PACRG: variants seen among roughly 807,000 people sequenced by gnomAD.
The protein encoded by PACRG is parkin coregulated gene protein.
In PACRG, 29 loss-of-function variants were observed where a neutral mutation model predicts 29.7. The ratio of observed to expected loss-of-function variants is 0.98; its 90% CI spans 0.73 to 1.33. The LOEUF is 1.33. PACRG is among the 40% of genes most tolerant of loss of function. The pLI is 0.00. For synonymous variants in PACRG, 116 were observed against 118.7 expected (o/e 0.98, Z 0.15); for missense variants, 279 against 316.2 (o/e 0.88, Z 0.89).
chr6:163,115,874 C>G (rs1445703197), intron 4 of PACRG, among the ~76,000 whole-genome samples: 3 of 152,294 alleles, frequency 2.0e-5, no homozygotes, highest in African/African-American at 7.2e-5. Context: ...TACGTCATGG[C>G]CCTCCAGTGC....
intron 2 of PACRG, among the ~76,000 whole-genome samples, chr6:162,998,897 T>C (rs555806853): frequency 3.9e-5 from 6 of 152,306 alleles, no homozygotes; most frequent in Admixed American, 2.0e-4. Flanking sequence ...ACCCCTCTTA[T>C]TGAGTGATCA....
intron 1 of PACRG, among the ~76,000 whole-genome samples, chr6:162,810,382 C>T (rs13217502): frequency 0.1 from 15,455 of 152,148 alleles, 931 homozygotes; most frequent in Middle Eastern, 0.17. Flanking sequence ...ATCAAACATA[C>T]TGGTTTCACA....
At chr6:163,299,335 C>A (rs141328591) in intron 4 of PACRG, among the ~76,000 whole-genome samples, 5 of 152,180 alleles carry the variant, frequency 3.3e-5, no homozygotes, top group African/African-American at 9.6e-5. Flanking sequence ...TTCACCAAGG[C>A]GAATGCTCCA....
intron 4 of PACRG, among the ~76,000 whole-genome samples, chr6:163,111,865 C>T (rs1344380483): frequency 1.3e-5 from 2 of 152,178 alleles, no homozygotes; most frequent in East Asian, 1.9e-4. Flanking sequence ...GCTCCTGGCA[C>T]ATATTGTGTA....
rs115225887 is a variant in PACRG at position 162,941,424 on chromosome 6, G to A, written c.292-120726G>A. Among the ~76,000 whole-genome samples the A allele has an allele frequency of 7.5e-3, 1,141 of 152,224 alleles. 26 individuals are homozygous for A. Among genetic ancestry groups the A allele is most frequent in the African/African-American group, 0.026 (1,088 of 41,520 alleles). The stretch of plus-strand genomic sequence containing the variant: ...GTACTGCGAGTGCAAGGTCCTGCAC[G>A]CCACAAAATTTCACTGGAGGTTTGG... On this transcript the variant is annotated intron_variant, in intron 2 of 4. Transcript: ENST00000366888.
Position 163,315,188 on chromosome 6 carries a change from C to T in PACRG, c.*201C>T, listed in dbSNP as rs190566218. 2.0e-3 allele frequency: 1,125 copies of T among 561,898 alleles called. 12 individuals are homozygous for T. The highest frequency in any genetic ancestry group is 6.8e-3 in the South Asian group (256 of 37,772). 34.8% of individuals were successfully genotyped at this position (561,898 alleles called of 1,614,324 possible). A position where few individuals can be genotyped will look rare whatever the true frequency, so the allele number is the denominator to read the frequency against. ...TAAATAGTGTCTGTTTCTTAGATTA[C>T]AATAGTGTACTGTGCTTATTTGTTC... On this transcript the variant is annotated 3_prime_UTR_variant, in exon 5 of 5. Transcript: ENST00000366888.
At chr6:163,212,799 A>G (rs937386219) in intron 4 of PACRG, among the ~76,000 whole-genome samples, 1 of 138,804 alleles carries the variant, frequency 7.2e-6, no homozygotes, top group African/African-American at 2.7e-5. Flanking sequence ...TTTTTTTTTG[A>G]GACGGAGTCT....
intron 4 of PACRG, among the ~76,000 whole-genome samples, chr6:163,131,078 C>T (rs867897962): frequency 4.6e-5 from 7 of 152,072 alleles, no homozygotes; most frequent in Non-Finnish European, 7.4e-5. Context: ...GAGGCCGAGG[C>T]GGGTGGATCA....
intron 2 of PACRG, among the ~76,000 whole-genome samples, chr6:162,947,631 T>TATATATATATATAATC (rs1799327716): frequency 1.4e-5 from 1 of 71,534 alleles, no homozygotes; most frequent in African/African-American, 5.5e-5. Context: ...TATATATATA[T>TATATATATATATAATC]ATATATATAT....
chr6:162,886,190 T>C (rs1794318256), intron 2 of PACRG, among the ~76,000 whole-genome samples: 1 of 152,202 alleles, frequency 6.6e-6, no homozygotes. Context: ...CCCAAAATGC[T>C]GTGATTACAG....
intron 2 of PACRG, among the ~76,000 whole-genome samples, chr6:162,938,673 A>T (rs992830745): frequency 6.6e-6 from 1 of 151,906 alleles, no homozygotes; most frequent in Admixed American, 6.6e-5. Context: ...TTATTTTTTA[A>T]TTTTTTTGAT....
chr6:163,070,524 T>C (rs1336630237), intron 3 of PACRG, among the ~76,000 whole-genome samples: 2 of 151,820 alleles, frequency 1.3e-5, no homozygotes, highest in Admixed American at 1.3e-4. Context: ...TCATGGTAAC[T>C]CAAATCAAAA....
At chr6:162,912,893 C>T (rs1796405628) in intron 2 of PACRG, among the ~76,000 whole-genome samples, 1 of 146,406 alleles carries the variant, frequency 6.8e-6, no homozygotes, top group African/African-American at 2.5e-5. Flanking sequence ...CTTATAAATA[C>T]ATGTGTAGTA....
At chr6:163,088,271 G>C (rs1813777379) in intron 3 of PACRG, among the ~76,000 whole-genome samples, 1 of 152,154 alleles carries the variant, frequency 6.6e-6, no homozygotes, top group Admixed American at 6.5e-5. Context: ...TTTTTCATTA[G>C]AAGGTAGAAC....
chr6:163,225,320 T>C (rs1781745202), intron 4 of PACRG, among the ~76,000 whole-genome samples: 2 of 152,204 alleles, frequency 1.3e-5, no homozygotes, highest in Admixed American at 1.3e-4. Flanking sequence ...GTTACCCTCA[T>C]GCAGTTCTCA....
In PACRG at chr6:163,237,159, ATTAC is replaced by A. The variant is rs369550217; in HGVS notation, c.614-77664_614-77661del. Among the ~76,000 whole-genome samples, 244 of 151,992 alleles carry A rather than the reference ATTAC, an allele frequency of 1.6e-3. 1 individual carries two copies. Among genetic ancestry groups the A allele is most frequent in the African/African-American group, 5.7e-3 (236 of 41,454 alleles). ...ACGTAATGTGTAGATATTTCCTTTA[ATTAC>A]TTAGCATGATGAATTTCATCAAACC... On this transcript the variant is annotated intron_variant, in intron 4 of 4. Coordinates refer to ENST00000366888, the MANE Select transcript of PACRG (RefSeq NM_001080379.2).
intron 1 of PACRG, among the ~76,000 whole-genome samples, chr6:162,734,729 G>A (rs1212765329): frequency 6.6e-6 from 1 of 152,170 alleles, no homozygotes; most frequent in Non-Finnish European, 1.5e-5. Flanking sequence ...TTAAAGGATA[G>A]AGCAAGGACT....
chr6:162,749,179 T>A (rs2128277355), intron 1 of PACRG, among the ~76,000 whole-genome samples: 1 of 152,326 alleles, frequency 6.6e-6, no homozygotes, highest in East Asian at 1.9e-4. Context: ...GCTGTTGACT[T>A]GGGTGGTGTC....
chr6:163,177,445 G>A (rs1779419533), intron 4 of PACRG, among the ~76,000 whole-genome samples: 2 of 152,226 alleles, frequency 1.3e-5, no homozygotes, highest in South Asian at 4.2e-4. Context: ...AGAAACCTAG[G>A]GAACAGAGTT....
Sources: allele counts gnomAD v4.1 joint callset (sites outside exome capture counted in the v4.1 genomes callset), GRCh38; gene constraint gnomAD v4.1.1; transcripts MANE v1.5; gene names NCBI Gene and HGNC (gene_info 2026-07-23, HGNC 2026-07-21).